EMSY: variants seen among roughly 807,000 people sequenced by gnomAD.
The protein encoded by EMSY is BRCA2-interacting transcriptional repressor EMSY.
Under a neutral mutation model 134.6 loss-of-function variants are expected in EMSY, and 26 were observed. The observed-to-expected ratio is 0.19, with a 90% CI of 0.14 to 0.27. The LOEUF (loss-of-function observed/expected upper bound fraction) is 0.27. EMSY is among the 10% of genes least tolerant of loss of function. The pLI is 1.00. For synonymous variants in EMSY, 579 were observed against 577.8 expected (o/e 1.00, Z -0.03); for missense variants, 1,305 against 1,611.4 (o/e 0.81, Z 3.26).
exon 19 of EMSY, chr11:76,544,304 G>C (rs747531933): frequency 1.2e-6 from 2 of 1,614,140 alleles, no homozygotes; most frequent in East Asian, 4.5e-5. Context: ...CGAGGAACTT[G>C]GAACTGAGGA....
At chr11:76,501,160 G>T (rs1296971020) in intron 9 of EMSY, among the ~76,000 whole-genome samples, 2 of 151,870 alleles carry the variant, frequency 1.3e-5, no homozygotes, top group Admixed American at 6.6e-5. Context: ...TATTTTTGTT[G>T]TCTTTTTCCT....
chr11:76,552,560 C>G (rs1951861335), downstream of EMSY: 1 of 152,090 alleles, frequency 6.6e-6, no homozygotes. Context: ...TAAGAAAAAT[C>G]CATTTGGCTT....
chr11:76,503,300 C>CAAAAAAAA (rs61098325), intron 9 of EMSY, among the ~76,000 whole-genome samples: 8 of 70,752 alleles, frequency 1.1e-4, no homozygotes, highest in Admixed American at 1.8e-4. Flanking sequence ...GGCGTGGTCT[C>CAAAAAAAA]AAAAAAAAAA....
intron 20 of EMSY, among the ~76,000 whole-genome samples, chr11:76,549,247 C>T (rs1420377587): frequency 6.6e-6 from 1 of 152,154 alleles, no homozygotes; most frequent in Admixed American, 6.5e-5. Context: ...CACTAATGTA[C>T]AAGTGAGTTT....
chr11:76,481,007 G>A (rs148500188), intron 8 of EMSY, among the ~76,000 whole-genome samples: 58 of 152,280 alleles, frequency 3.8e-4, no homozygotes, highest in African/African-American at 1.3e-3. Context: ...GGCAGACACC[G>A]AGCTAGCTGC....
chr11:76,525,358 G>A (rs1018362551), intron 12 of EMSY, among the ~76,000 whole-genome samples: 7 of 152,160 alleles, frequency 4.6e-5, no homozygotes, highest in African/African-American at 1.7e-4. Flanking sequence ...TGTGATTTTT[G>A]TAATTATATT....
intron 1 of EMSY, among the ~76,000 whole-genome samples, chr11:76,446,230 G>T (rs1004479612): frequency 6.6e-6 from 1 of 151,788 alleles, no homozygotes; most frequent in Non-Finnish European, 1.5e-5. Context: ...GTTCCTGGCA[G>T]CTCAACTGTT....
intron 9 of EMSY, among the ~76,000 whole-genome samples, chr11:76,505,821 C>T (rs1950054357): frequency 6.6e-6 from 1 of 151,530 alleles, no homozygotes; most frequent in Admixed American, 6.6e-5. Context: ...CACGCCCCTG[C>T]ACTCCAGCCT....
intron 7 of EMSY, 53 bp downstream of exon 8, chr11:76,464,133 A>T: frequency 6.3e-7 from 1 of 1,598,540 alleles, no homozygotes; most frequent in South Asian, 1.1e-5. Context: ...AGACAGTATG[A>T]TTCAGATTTA....
At chr11:76,472,491 A>G (rs1205795295) in intron 7 of EMSY, 73 bp from the exon 9 acceptor site, 22 of 1,342,232 alleles carry the variant, frequency 1.6e-5, no homozygotes, top group Admixed American at 1.1e-4. Context: ...TAAATTATAT[A>G]TAACTAACTG....
intron 6 of EMSY, among the ~76,000 whole-genome samples, chr11:76,462,180 G>A (rs563867167): frequency 4.6e-4 from 69 of 151,368 alleles, no homozygotes; most frequent in Non-Finnish European, 9.1e-4. Context: ...CGGAGGTTGT[G>A]GTGAGCTGAG....
chr11:76,482,552 A>T (rs769852433), intron 8 of EMSY, among the ~76,000 whole-genome samples: 3 of 152,248 alleles, frequency 2.0e-5, no homozygotes, highest in Non-Finnish European at 2.9e-5. Context: ...AGAGAAAAAC[A>T]TAAATGACTT....
chr11:76,514,126 T>C (rs915774781), intron 10 of EMSY, among the ~76,000 whole-genome samples: 9 of 152,168 alleles, frequency 5.9e-5, no homozygotes, highest in Non-Finnish European at 8.8e-5. Flanking sequence ...AGCAGATTAC[T>C]TAATCTCTCT....
intron 8 of EMSY, among the ~76,000 whole-genome samples, chr11:76,494,329 A>G (rs935086150): frequency 3.9e-5 from 6 of 152,218 alleles, no homozygotes; most frequent in African/African-American, 1.2e-4. Context: ...CCGTGACAAT[A>G]GTTTAGTTAG....
At chr11:76,489,123 T>C (rs978398581) in intron 8 of EMSY, among the ~76,000 whole-genome samples, 1 of 152,214 alleles carries the variant, frequency 6.6e-6, no homozygotes, top group African/African-American at 2.4e-5. Context: ...GCCTTGTGGA[T>C]TCTTCAGGAA....
chr11:76,486,100 G>A (rs886826411), intron 8 of EMSY, among the ~76,000 whole-genome samples: 3 of 152,236 alleles, frequency 2.0e-5, no homozygotes, highest in East Asian at 3.9e-4. Flanking sequence ...TGTCCTTTGC[G>A]GGGACATGCA....
At chr11:76,546,594 G>A (rs1006988212) in intron 20 of EMSY, among the ~76,000 whole-genome samples, 1 of 152,166 alleles carries the variant, frequency 6.6e-6, no homozygotes, top group African/African-American at 2.4e-5. Context: ...ACTTGCCAAT[G>A]TGTTCACTCA....
rs540776567 is a variant in EMSY, at chr11:76,448,329, CT to C, written c.70+1333del. Among the ~76,000 whole-genome samples the C allele has an allele frequency of 2.9e-3, 416 of 143,944 alleles. 1 individual carries two copies. The highest frequency in any genetic ancestry group is 4.2e-3 in the South Asian group (19 of 4,562). 94.4% of individuals were successfully genotyped at this position (143,944 alleles called of 152,430 possible). On this transcript the variant is annotated intron_variant, in intron 2 of 20. Transcript: ENST00000334736. ...TGGAGAGGGTGTGGGGGATGTCAAT[CT>C]TTTTTTTTTTTAACCAAACTTTTAG...
At chr11:76,490,953 C>G (rs1949396195) in intron 8 of EMSY, among the ~76,000 whole-genome samples, 2 of 151,990 alleles carry the variant, frequency 1.3e-5, no homozygotes, top group Admixed American at 1.3e-4. Context: ...TTCAATCAAA[C>G]ATTGCATGTT....
Sources: gnomAD v4.1 joint callset for allele counts (sites outside exome capture counted in the v4.1 genomes callset) on GRCh38, gnomAD v4.1.1 for gene constraint, MANE v1.5 for transcripts, NCBI Gene and HGNC (gene_info 2026-07-23, HGNC 2026-07-21) for gene names.